GTF2IRD1: variants seen among roughly 807,000 people sequenced by gnomAD.
The protein encoded by GTF2IRD1 is GTF2I repeat domain containing 1.
A neutral mutation model predicts 113.2 loss-of-function variants in GTF2IRD1; 26 were observed. The ratio of observed to expected loss-of-function variants is 0.23; its 90% CI spans 0.17 to 0.32. The LOEUF is 0.32. GTF2IRD1 is among the 10% of genes least tolerant of loss of function. GTF2IRD1 has a pLI of 1.00. For missense variants in GTF2IRD1, 864 were observed against 1,280.8 expected, an observed-to-expected ratio of 0.67 and a Z score of 4.97; for synonymous variants, 484 against 529.1, an observed-to-expected ratio of 0.91 and a Z score of 1.17.
chr7:74,478,220 T>G (rs1469688177), intron 1 of GTF2IRD1, among the ~76,000 whole-genome samples: 2 of 152,136 alleles, frequency 1.3e-5, no homozygotes, highest in African/African-American at 2.4e-5. Flanking sequence ...GGGACAGAGA[T>G]ATACTGTGAG....
chr7:74,599,123 C>T (rs143751351), intron 25 of GTF2IRD1, among the ~76,000 whole-genome samples: 1 of 151,976 alleles, frequency 6.6e-6, no homozygotes, highest in Admixed American at 6.6e-5. Context: ...ACAGAGACCC[C>T]GTCTCTACAA....
At chr7:74,508,464 G>A (rs1302737840) in intron 2 of GTF2IRD1, among the ~76,000 whole-genome samples, 2 of 152,064 alleles carry the variant, frequency 1.3e-5, no homozygotes, top group Non-Finnish European at 2.9e-5. Flanking sequence ...GGCCGGGGTC[G>A]GTGGATCACT....
Position 74,601,389 on chromosome 7 carries a change from T to G in GTF2IRD1, c.2766+209T>G. On this transcript the variant is annotated intron_variant, in intron 26 of 26. Coordinates refer to ENST00000424337, the MANE Select transcript of GTF2IRD1 (RefSeq NM_005685.4). ...CTTCTCGTGGGGTACTCACAGGCAC[T>G]CAGGCAGGAATTCACATCCTCGCTG... 1.3e-6 allele frequency: 2 copies of G among 1,503,252 alleles called. 1 individual carries two copies. Among genetic ancestry groups the G allele is most frequent in the South Asian group, 2.5e-5 (2 of 78,760 alleles). The allele number at this position is 1,503,252 out of a possible 1,614,324, so 93.1% of individuals were successfully genotyped here.
intron 17 of GTF2IRD1, among the ~76,000 whole-genome samples, chr7:74,548,434 A>C (rs1394193636): frequency 2.0e-5 from 3 of 152,026 alleles, no homozygotes; most frequent in East Asian, 3.9e-4. Flanking sequence ...AAAAAAAAAA[A>C]AGTCCCTTTG....
chr7:74,546,387 A>AAT (rs1307096566), intron 16 of GTF2IRD1, among the ~76,000 whole-genome samples: 1 of 151,634 alleles, frequency 6.6e-6, no homozygotes, highest in Non-Finnish European at 1.5e-5. Flanking sequence ...ATACCCGGCT[A>AAT]ATTTTTGTAG....
chr7:74,496,573 G>GGTGTGCATGTGT (rs58096264), intron 1 of GTF2IRD1, among the ~76,000 whole-genome samples: 35,431 of 137,962 alleles, frequency 0.26, 4,596 homozygotes, highest in East Asian at 0.41. Context: ...TACATGTGTG[G>GGTGTGCATGTGT]GTGTGCATGT....
In GTF2IRD1 at chr7:74,512,847, A is replaced by T. The variant is rs1229854288; in HGVS notation, c.141A>T (p.Lys47Asn). The T allele has an allele frequency of 6.2e-7, 1 of 1,614,020 alleles. No homozygotes were observed. Among genetic ancestry groups the T allele is most frequent in the African/African-American group, 1.3e-5 (1 of 75,020 alleles). ...ALDSMCSALS[K>N]LNAEVACVAV... ...TCCCACAGTGCTCAGCGCTGTCCAA[A>T]CTGAACGCCGAGGTGGCCTGTGTCG... is the stretch of plus-strand genomic sequence containing the variant. The change falls in exon 3 of 27, where the codon AAA becomes AAT. Residue 47 changes from lysine (K) to asparagine (N), a missense_variant. Transcript: ENST00000424337. This position sits in a 1 kb window ranked among gnomAD's most constrained non-coding sequence, Gnocchi z 4.4.
At chr7:74,524,039 C>T (rs1554346629) in intron 7 of GTF2IRD1, 32 bp from the exon 8 acceptor site, 3 of 1,502,026 alleles carry the variant, frequency 2.0e-6, no homozygotes, top group Non-Finnish European at 2.8e-6. Context: ...CCCGTGGGGC[C>T]CTGCTCACTT....
chr7:74,594,195 T>C (rs1378351667), intron 24 of GTF2IRD1, among the ~76,000 whole-genome samples: 2 of 146,676 alleles, frequency 1.4e-5, no homozygotes, highest in African/African-American at 5.1e-5. Context: ...CAAGACTCCG[T>C]CTCAAAAAAA....
intron 1 of GTF2IRD1, among the ~76,000 whole-genome samples, chr7:74,484,070 G>A (rs551985348): frequency 2.9e-4 from 44 of 152,164 alleles, no homozygotes; most frequent in Non-Finnish European, 5.7e-4. Context: ...CCCAGAGATG[G>A]AGACTCAGTG....
At chr7:74,459,455 T>C (rs533496724) in intron 1 of GTF2IRD1, among the ~76,000 whole-genome samples, 5 of 151,274 alleles carry the variant, frequency 3.3e-5, no homozygotes, top group Admixed American at 1.3e-4. Flanking sequence ...TGAAACTCTG[T>C]CTCAAAAAAA....
At chr7:74,595,518 G>A (rs1802359709) in intron 25 of GTF2IRD1, among the ~76,000 whole-genome samples, 2 of 151,902 alleles carry the variant, frequency 1.3e-5, no homozygotes, top group South Asian at 4.2e-4. Flanking sequence ...GCGAGACCCT[G>A]TCTCTAAAAA....
At chr7:74,594,113 C>T (rs1459017404) in intron 24 of GTF2IRD1, among the ~76,000 whole-genome samples, 4 of 151,064 alleles carry the variant, frequency 2.6e-5, no homozygotes, top group Admixed American at 1.3e-4. Context: ...GCAGGACAAT[C>T]GCTTGAACCC....
chr7:74,461,206 G>C (rs572621359), intron 1 of GTF2IRD1, among the ~76,000 whole-genome samples: 1 of 152,182 alleles, frequency 6.6e-6, no homozygotes, highest in Non-Finnish European at 1.5e-5. Flanking sequence ...GGCCTGGCTT[G>C]AGGGCTTGCG....
rs186250617 is a variant in GTF2IRD1 at position 74,458,412 on chromosome 7, C to T, written c.-7+4236C>T. Among the ~76,000 whole-genome samples the T allele has an allele frequency of 2.5e-4, 38 of 151,816 alleles. No homozygotes were observed. The East Asian group carries it at 4.3e-3, about 17-fold the overall frequency. On this transcript the variant is annotated intron_variant, in intron 1 of 26. Coordinates refer to ENST00000424337, the MANE Select transcript of GTF2IRD1 (RefSeq NM_005685.4). ...GTGTAGATGTTGGGGGCTCCAGATA[C>T]GGCAGGAGGGGCCTGGCCTCTCGGA...
At position 74,520,024 on chromosome 7, in the gene GTF2IRD1, A is replaced by T. The variant is rs587602017; in HGVS notation, c.916+305A>T. Among the ~76,000 whole-genome samples the T allele has an allele frequency of 3.9e-4, 50 of 127,902 alleles. No individual in the cohort carries two copies. In the Admixed American group the frequency reaches 5.0e-3, roughly 13 times the overall value. The allele number at this position is 127,902 out of a possible 152,430, so 83.9% of individuals were successfully genotyped here. ...AGGATCACCTGAGCCCAGGAGTTTG[A>T]GGCTGCATTGAGCTATGATTGCACA... On this transcript the variant is annotated intron_variant, in intron 6 of 26. Coordinates refer to ENST00000424337, the MANE Select transcript of GTF2IRD1 (RefSeq NM_005685.4).
intron 14 of GTF2IRD1, among the ~76,000 whole-genome samples, chr7:74,540,278 C>G (rs763116588): frequency 2.6e-5 from 4 of 152,102 alleles, no homozygotes; most frequent in Non-Finnish European, 4.4e-5. Flanking sequence ...TCCTGAGTAG[C>G]TGGAATTACA....
Position 74,544,252 on chromosome 7 carries a change from A to G in GTF2IRD1, c.1619-503A>G, listed in dbSNP as rs1798799143. Reference sequence around the variant, plus strand: ...GTTGCCCAGGCTGGAGTGCAATAGCATGACCTCGCTGCAACCTCCGCCTCC... The same window carrying G: ...GTTGCCCAGGCTGGAGTGCAATAGCGTGACCTCGCTGCAACCTCCGCCTCC... On this transcript the variant is annotated intron_variant, in intron 14 of 26. Transcript: ENST00000424337. Among the ~76,000 whole-genome samples the G allele has an allele frequency of 2.0e-5, 3 of 152,132 alleles. No homozygotes were observed. In the South Asian group the frequency reaches 6.2e-4, roughly 32 times the overall value.
intron 22 of GTF2IRD1, among the ~76,000 whole-genome samples, chr7:74,573,803 C>A (rs1800836951): frequency 6.6e-6 from 1 of 152,092 alleles, no homozygotes; most frequent in African/African-American, 2.4e-5. Context: ...CCTCTAAGAA[C>A]CTTCGTGTCA....
Sources: gnomAD v4.1 joint callset for allele counts (sites outside exome capture counted in the v4.1 genomes callset) on GRCh38, gnomAD v4.1.1 for gene constraint, Gnocchi (gnomAD v3.1) non-coding constraint, MANE v1.5 for transcripts, NCBI Gene and HGNC (gene_info 2026-07-23, HGNC 2026-07-21) for gene names.